The following PTBP3 variants were observed in gnomAD, a reference collection of about 807,000 sequenced individuals.
PTBP3 encodes polypyrimidine tract-binding protein 3.
A neutral mutation model predicts 58.7 loss-of-function variants in PTBP3; 20 were observed. That is an observed-to-expected ratio of 0.34 (90% CI 0.24 to 0.50). The LOEUF (loss-of-function observed/expected upper bound fraction) is 0.50. Among genes scored for constraint, PTBP3 ranks in the 20% least tolerant of loss-of-function variants. The pLI is 0.98. For missense variants in PTBP3, 509 were observed against 637.2 expected (o/e 0.80, Z 2.17); for synonymous variants, 185 against 219.8 (o/e 0.84, Z 1.40).
chr9:112,222,273 T>C lies in PTBP3; in HGVS notation c.*1578A>G. ...CTTATTAAAAAGAAACAATTTTACA[T>C]TATACAATCACTGAAGCAACATTAA... On this transcript the variant is annotated 3_prime_UTR_variant, in exon 14 of 14. Coordinates refer to ENST00000374257, the MANE Select transcript of PTBP3 (RefSeq NM_001163788.4). 1 of 970,862 alleles carries C rather than the reference T, an allele frequency of 1.0e-6. No homozygotes were observed. Among genetic ancestry groups the C allele is most frequent in the Middle Eastern group, 5.3e-4 (1 of 1,894 alleles). The allele number at this position is 970,862 out of a possible 1,614,324, so 60.1% of individuals were successfully genotyped here. A position where few individuals can be genotyped will look rare whatever the true frequency, so the allele number is the denominator to read the frequency against.
Position 112,222,738 on chromosome 9 carries a change from A to AT in PTBP3, c.*1112dup. ...ACAAAATGCTTACCAAGCCCACAAT[A>AT]TAGCTTTCAAGATATTTAGATTAAA... is the stretch of plus-strand genomic sequence containing the variant. On this transcript the variant is annotated 3_prime_UTR_variant, in exon 14 of 14. Transcript: ENST00000374257. 1 of 972,928 alleles carries AT rather than the reference A, an allele frequency of 1.0e-6. No individual in the cohort carries two copies. Among genetic ancestry groups the AT allele is most frequent in the Non-Finnish European group, 1.2e-6 (1 of 818,224 alleles). 60.3% of individuals were successfully genotyped at this position (972,928 alleles called of 1,614,324 possible). A position where few individuals can be genotyped will look rare whatever the true frequency, so the allele number is the denominator to read the frequency against.
chr9:112,370,772 C>G, the PTBP3 span, among the ~76,000 whole-genome samples: 1 of 152,202 alleles, frequency 6.6e-6, no homozygotes, highest in South Asian at 2.1e-4. Flanking sequence ...ACTGGAATGC[C>G]TTGCCATTTA....
the PTBP3 span, among the ~76,000 whole-genome samples, chr9:112,340,843 T>A: frequency 6.7e-6 from 1 of 148,402 alleles, no homozygotes; most frequent in Non-Finnish European, 1.5e-5. Context: ...GCCATTGCAC[T>A]CCCGCTTGGG....
At position 112,303,693 on chromosome 9, in the gene PTBP3, G is replaced by A. The variant is rs183763195; in HGVS notation, c.-51-5777C>T. Among the ~76,000 whole-genome samples, 269 of 151,972 alleles carry A rather than the reference G, an allele frequency of 1.8e-3. 3 individuals are homozygous for A. Among genetic ancestry groups the A allele is most frequent in the Non-Finnish European group, 9.6e-4 (65 of 67,986 alleles). On this transcript the variant is annotated intron_variant, in intron 1 of 13. Transcript: ENST00000374257. ...AGCCTGACCAATATGGTGAAACCCC[G>A]TCTCTACTAAAATTACAAAAATTAG...
chr9:112,313,751 T>C (rs1052481369), intron 1 of PTBP3, among the ~76,000 whole-genome samples: 7 of 152,226 alleles, frequency 4.6e-5, no homozygotes, highest in Non-Finnish European at 8.8e-5. Context: ...AGCTAATCCT[T>C]TTAAGTAGAT....
chr9:112,372,071 T>C, the PTBP3 span, among the ~76,000 whole-genome samples: 16 of 152,042 alleles, frequency 1.1e-4, no homozygotes, highest in African/African-American at 2.4e-4. Flanking sequence ...TTTTCTTCCA[T>C]AGATTCTTTT....
At chr9:112,259,044 C>T (rs759219991) in intron 5 of PTBP3, among the ~76,000 whole-genome samples, 2 of 152,104 alleles carry the variant, frequency 1.3e-5, no homozygotes, top group African/African-American at 2.4e-5. Flanking sequence ...CTCCACCTCC[C>T]GGGCTCAAGC....
intron 1 of PTBP3, among the ~76,000 whole-genome samples, chr9:112,310,590 C>T (rs76723940): frequency 3.0e-3 from 453 of 152,278 alleles, no homozygotes; most frequent in African/African-American, 0.01. Flanking sequence ...AGGGAACAAA[C>T]GAAATCCCTG....
At chr9:112,328,035 C>T (rs944304721) in intron 1 of PTBP3, among the ~76,000 whole-genome samples, 17 of 152,156 alleles carry the variant, frequency 1.1e-4, no homozygotes, top group African/African-American at 3.9e-4. Context: ...TTCTCTAAAA[C>T]GATGGATTTT....
intron 2 of PTBP3, among the ~76,000 whole-genome samples, chr9:112,294,721 T>C (rs1018622769): frequency 2.0e-5 from 3 of 152,216 alleles, no homozygotes; most frequent in Non-Finnish European, 2.9e-5. Flanking sequence ...TTATCTTTAT[T>C]TGAAGACACA....
chr9:112,289,530 C>G (rs1828285097), intron 2 of PTBP3, among the ~76,000 whole-genome samples: 1 of 152,126 alleles, frequency 6.6e-6, no homozygotes, highest in Middle Eastern at 3.2e-3. Flanking sequence ...CCTATAATCC[C>G]AACACTTTGG....
Position 112,227,625 on chromosome 9 carries a change from T to C in PTBP3, c.1150A>G (p.Met384Val), listed in dbSNP as rs1193447913. The part of the protein sequence containing the change: ...MADANQAQLA[M>V]NHLSGQRLYG... ...AGTCTCTGACCACTTAGATGGTTCA[T>C]TGCTAGTGCATGGGAAGAAAATTTT... Residue 384 changes from methionine to valine, a missense_variant and splice_region_variant, in exon 12 of 14, where the codon ATG becomes GTG. By Grantham distance (21) the Met-to-Val change is conservative. Coordinates refer to ENST00000374257, the MANE Select transcript of PTBP3 (RefSeq NM_001163788.4). 1.9e-6 allele frequency: 3 copies of C among 1,613,436 alleles called. No individual in the cohort carries two copies. The highest frequency in any genetic ancestry group is 1.7e-5 in the Admixed American group (1 of 59,982).
At chr9:112,305,065 G>T in intron 1 of PTBP3, among the ~76,000 whole-genome samples, 1 of 152,098 alleles carries the variant, frequency 6.6e-6, no homozygotes, top group Non-Finnish European at 1.5e-5. Flanking sequence ...TGCACTACAG[G>T]TGATGACTAA....
At chr9:112,360,605 C>T in the PTBP3 span, among the ~76,000 whole-genome samples, 2 of 152,280 alleles carry the variant, frequency 1.3e-5, no homozygotes, top group Non-Finnish European at 2.9e-5. Context: ...CTCTGAGTCA[C>T]ATTATATTGT....
At chr9:112,235,017 G>A in intron 7 of PTBP3, 120 bp from the exon 8 acceptor site, 1 of 775,884 alleles carries the variant, frequency 1.3e-6, no homozygotes, top group Non-Finnish European at 2.0e-6. Context: ...ACGGAGTAAA[G>A]ATCTGTTCAA....
At chr9:112,283,731 C>A (rs575385499) in intron 2 of PTBP3, among the ~76,000 whole-genome samples, 2 of 152,218 alleles carry the variant, frequency 1.3e-5, no homozygotes, top group Non-Finnish European at 2.9e-5. Context: ...TGTCAGAGAT[C>A]CTCACAGCAT....
At chr9:112,367,449 TTTG>T in the PTBP3 span, among the ~76,000 whole-genome samples, 1 of 152,156 alleles carries the variant, frequency 6.6e-6, no homozygotes, top group East Asian at 1.9e-4. Flanking sequence ...GTTTTTTTGT[TTTG>T]TTTTGTTTTT....
At chr9:112,375,130 C>T in the PTBP3 span, among the ~76,000 whole-genome samples, 3 of 152,172 alleles carry the variant, frequency 2.0e-5, no homozygotes, top group African/African-American at 7.2e-5. Context: ...AACGAGTCAT[C>T]CTATCCACTT....
intron 2 of PTBP3, among the ~76,000 whole-genome samples, chr9:112,292,110 T>C (rs570813063): frequency 2.3e-4 from 35 of 152,136 alleles, no homozygotes; most frequent in African/African-American, 8.4e-4. Flanking sequence ...AAACAAAAAA[T>C]AGGTAAAGGA....
Sources: gnomAD v4.1 joint callset for allele counts (sites outside exome capture counted in the v4.1 genomes callset) on GRCh38, gnomAD v4.1.1 for gene constraint, MANE v1.5 for transcripts, NCBI Gene and HGNC (gene_info 2026-07-23, HGNC 2026-07-21) for gene names.